DHRSX: variants seen among roughly 807,000 people sequenced by gnomAD.
DHRSX encodes dehydrogenase/reductase X-linked.
A neutral mutation model predicts 34.0 loss-of-function variants in DHRSX; 31 were observed. The observed-to-expected ratio is 0.91, with a 90% confidence interval of 0.69 to 1.23. The LOEUF (loss-of-function observed/expected upper bound fraction) is 1.23. Ranked by LOEUF, DHRSX falls within the 50% of genes most tolerant of loss-of-function variation. The probability of loss-of-function intolerance (pLI) is 0.00; values close to 1 mark genes in which losing one functional copy is unlikely to be tolerated. For missense variants in DHRSX, 414 were observed against 428.1 expected (o/e 0.97, Z 0.29); for synonymous variants, 201 against 183.8 (o/e 1.09, Z -0.76).
chrX:2,320,211 G>C (rs1389836996), intron 3 of DHRSX, among the ~76,000 whole-genome samples: 1 of 151,484 alleles, frequency 6.6e-6, no homozygotes, highest in Non-Finnish European at 1.5e-5. Context: ...CACAGAACTT[G>C]CCCATTCATT....
At chrX:2,461,524 T>G (rs1391844871) in intron 1 of DHRSX, among the ~76,000 whole-genome samples, 1 of 152,124 alleles carries the variant, frequency 6.6e-6, no homozygotes, top group Non-Finnish European at 1.5e-5. Flanking sequence ...AAGCACAACT[T>G]CTGCTTAATC....
chrX:2,238,239 C>T (rs933191793), intron 6 of DHRSX, among the ~76,000 whole-genome samples: 21 of 152,094 alleles, frequency 1.4e-4, no homozygotes, highest in African/African-American at 4.6e-4. Flanking sequence ...TTCGTGTAGT[C>T]CCAGCTACTC....
intron 3 of DHRSX, among the ~76,000 whole-genome samples, chrX:2,379,619 T>TTTTC (rs1415897271): frequency 6.7e-6 from 1 of 149,672 alleles, no homozygotes; most frequent in Non-Finnish European, 1.5e-5. Flanking sequence ...TTTTTTTTTT[T>TTTTC]AATGATGCTG....
intron 3 of DHRSX, among the ~76,000 whole-genome samples, chrX:2,313,110 C>T (rs1012059811): frequency 6.6e-6 from 1 of 151,122 alleles, no homozygotes; most frequent in African/African-American, 2.4e-5. Context: ...TCAAGCGATT[C>T]TCTTGCCTCA....
intron 6 of DHRSX, among the ~76,000 whole-genome samples, chrX:2,222,705 T>A (rs1396982250): frequency 6.6e-6 from 1 of 152,168 alleles, no homozygotes; most frequent in African/African-American, 2.4e-5. Flanking sequence ...TGGCAAAACC[T>A]AGCACTGGTG....
chrX:2,455,039 G>C (rs2044276575), intron 1 of DHRSX, among the ~76,000 whole-genome samples: 1 of 151,400 alleles, frequency 6.6e-6, no homozygotes, highest in South Asian at 2.1e-4. Context: ...TGGAACCCGG[G>C]AGCCAGAGGT....
intron 5 of DHRSX, among the ~76,000 whole-genome samples, chrX:2,257,877 T>C (rs1257374165): frequency 1.3e-5 from 2 of 152,146 alleles, no homozygotes; most frequent in Middle Eastern, 3.2e-3. Flanking sequence ...TCCACCTGCC[T>C]CAGCCTCCCA....
chrX:2,396,765 CTT>C lies in DHRSX; in HGVS notation c.286+11978_286+11979del, dbSNP rs71309495. ...TCCACATGGCCTTATCTGTGTCTCC[CTT>C]TTTTTTTTTTTTTTGAGATGGAGTT... On this transcript the variant is annotated intron_variant, in intron 3 of 6. Transcript: ENST00000334651. Among the ~76,000 whole-genome samples, 183 of 128,128 alleles carry C rather than the reference CTT, an allele frequency of 1.4e-3. 1 individual carries two copies. Among genetic ancestry groups the C allele is most frequent in the Middle Eastern group, 4.1e-3 (1 of 242 alleles). The allele number at this position is 128,128 out of a possible 152,430, so 84.1% of individuals were successfully genotyped here. A position where few individuals can be genotyped will look rare whatever the true frequency, so the allele number is the denominator to read the frequency against.
chrX:2,270,731 A>G (rs1039081785), intron 4 of DHRSX, among the ~76,000 whole-genome samples: 5 of 152,200 alleles, frequency 3.3e-5, no homozygotes, highest in African/African-American at 1.2e-4. Context: ...GCTGCTTTTG[A>G]GACGTGAAGC....
chrX:2,491,872 G>A (rs186430745), intron 1 of DHRSX, among the ~76,000 whole-genome samples: 11 of 152,328 alleles, frequency 7.2e-5, no homozygotes, highest in Admixed American at 7.2e-4. Flanking sequence ...CCAGTCCCCA[G>A]GGTTCCTGTT....
intron 3 of DHRSX, among the ~76,000 whole-genome samples, chrX:2,317,207 C>A (rs1403198428): frequency 1.3e-5 from 2 of 150,750 alleles, no homozygotes; most frequent in African/African-American, 4.9e-5. Context: ...ATCCACCCGC[C>A]TCGGCTTCCC....
At chrX:2,330,858 G>C (rs2042463542) in intron 3 of DHRSX, among the ~76,000 whole-genome samples, 1 of 152,090 alleles carries the variant, frequency 6.6e-6, no homozygotes, top group Admixed American at 6.6e-5. Flanking sequence ...TTGTGAAAGA[G>C]GCCTCAGTAG....
intron 5 of DHRSX, among the ~76,000 whole-genome samples, chrX:2,249,793 G>A (rs1478420890): frequency 6.6e-6 from 1 of 151,614 alleles, no homozygotes; most frequent in Non-Finnish European, 1.5e-5. Context: ...CAAAGTGCTG[G>A]GATTACAAGC....
chrX:2,290,747 T>C (rs1350795450), intron 4 of DHRSX, among the ~76,000 whole-genome samples: 2 of 152,220 alleles, frequency 1.3e-5, no homozygotes, highest in Admixed American at 1.3e-4. Context: ...GTTGGTGTAT[T>C]TCTGAGACCT....
chrX:2,388,651 T>C (rs1287922975), intron 3 of DHRSX, among the ~76,000 whole-genome samples: 1 of 144,804 alleles, frequency 6.9e-6, no homozygotes, highest in Non-Finnish European at 1.5e-5. Flanking sequence ...GACTAAGATA[T>C]CTCATAAGAA....
At chrX:2,449,401 A>G (rs961202674) in intron 1 of DHRSX, among the ~76,000 whole-genome samples, 35 of 152,178 alleles carry the variant, frequency 2.3e-4, no homozygotes, top group Admixed American at 1.3e-3. Flanking sequence ...GCACTGAGAC[A>G]GCTCCCCATA....
chrX:2,304,241 AT>A (rs1347831994), intron 3 of DHRSX, among the ~76,000 whole-genome samples: 6 of 70,558 alleles, frequency 8.5e-5, no homozygotes, highest in Non-Finnish European at 1.8e-4. Context: ...GGATGGATGG[AT>A]AAATGGATGG....
At chrX:2,287,839 A>G (rs1395438634) in intron 4 of DHRSX, among the ~76,000 whole-genome samples, 1 of 152,246 alleles carries the variant, frequency 6.6e-6, no homozygotes, top group African/African-American at 2.4e-5. Flanking sequence ...GGCTCTAAAG[A>G]TGTCCACAGA....
intron 3 of DHRSX, among the ~76,000 whole-genome samples, chrX:2,349,896 A>G (rs113544006): frequency 0.096 from 12,960 of 135,514 alleles, 1,185 homozygotes; most frequent in Non-Finnish European, 0.15. Flanking sequence ...AAAATTAGCC[A>G]GGCGTGGTGG....
Sources: gnomAD v4.1 joint callset for allele counts (sites outside exome capture counted in the v4.1 genomes callset) on GRCh38, gnomAD v4.1.1 for gene constraint, MANE v1.5 for transcripts, NCBI Gene and HGNC (gene_info 2026-07-23, HGNC 2026-07-21) for gene names.